The following GSPT2 variants were observed in gnomAD, a reference collection of about 807,000 sequenced individuals.
GSPT2 encodes G1 to S phase transition 2, also known as eukaryotic peptide chain release factor GTP-binding subunit ERF3B.
In GSPT2, 2 loss-of-function variants were observed where a neutral mutation model predicts 24.6. The observed-to-expected ratio is 0.08, with a 90% CI of 0.03 to 0.26. The LOEUF is 0.26. Ranked by LOEUF, GSPT2 falls within the 10% of genes least tolerant of loss-of-function variation. GSPT2 has a pLI of 1.00. For synonymous variants in GSPT2, 194 were observed against 189.3 expected (o/e 1.02, Z -0.20); for missense variants, 322 against 489.6 (o/e 0.66, Z 3.23).
In GSPT2 at chrX:51,743,687, G is replaced by C; in HGVS notation, c.61G>C (p.Glu21Gln). The C allele has an allele frequency of 8.3e-7, 1 of 1,207,791 alleles. No homozygotes were observed. Among genetic ancestry groups the C allele is most frequent in the Non-Finnish European group, 1.1e-6 (1 of 893,453 alleles). The change falls in exon 1 of 1, where the codon GAA becomes CAA. Residue 21 changes from glutamate (E) to glutamine (Q), a missense_variant. Glu to Gln is a conservative substitution (Grantham distance 29). Transcript: ENST00000340438. ...APDCWDQVDM[E>Q]SPGSAPSGDG... Reference sequence around the variant, plus strand: ...CGATTGCTGGGACCAGGTGGACATGGAATCCCCGGGGTCGGCCCCGAGCGG... The same window carrying C: ...CGATTGCTGGGACCAGGTGGACATGCAATCCCCGGGGTCGGCCCCGAGCGG...
rs781866514 is a variant in GSPT2 at position 51,743,505 on chromosome X, G to A, written c.-122G>A. Reference sequence around the variant, plus strand: ...GGCGCTTAGCTGCCTCCGCGGTGCAGCTAAGGTTCGTGTCGCTACCCCTTG... The same window carrying A: ...GGCGCTTAGCTGCCTCCGCGGTGCAACTAAGGTTCGTGTCGCTACCCCTTG... On this transcript the variant is annotated 5_prime_UTR_variant, in exon 1 of 1. Coordinates refer to ENST00000340438, the MANE Select transcript of GSPT2 (RefSeq NM_018094.5). 61 of 564,178 alleles carry A rather than the reference G, an allele frequency of 1.1e-4. No individual in the cohort carries two copies. The highest frequency in any genetic ancestry group is 1.6e-4 in the Non-Finnish European group (59 of 363,693). The allele number at this position is 564,178 out of a possible 1,213,427, so 46.5% of individuals were successfully genotyped here.
chrX:51,744,210 C>T lies in GSPT2; in HGVS notation c.584C>T (p.Pro195Leu). Residue 195 changes from proline to leucine, a missense_variant, in exon 1 of 1, where the codon CCC (proline) becomes CTC (leucine). By Grantham distance (98) the Pro-to-Leu change is moderately conservative. Around this residue, in one of 4 missense-constraint regions of GSPT2, gnomAD observed 72 missense variants for 121.5 expected, o/e 0.59. Transcript: ENST00000340438. The part of the protein sequence containing the change: ...EIRKSKSVIV[P>L]SGAPKKEHVN... ...AGAAAATCCAAATCTGTGATCGTAC[C>T]CTCAGGTGCACCTAAGAAAGAACAC... is the stretch of plus-strand genomic sequence containing the variant. 5.8e-6 allele frequency: 7 copies of T among 1,207,356 alleles called. No individual in the cohort carries two copies. Among genetic ancestry groups the T allele is most frequent in the Non-Finnish European group, 6.7e-6 (6 of 892,144 alleles).
Position 51,744,501 on chromosome X carries a change from A to G in GSPT2, c.875A>G (p.Lys292Arg). The G allele has an allele frequency of 1.7e-6, 2 of 1,211,790 alleles. No individual in the cohort carries two copies. The highest frequency in any genetic ancestry group is 2.2e-6 in the Non-Finnish European group (2 of 895,495). ...HFTILDAPGH[K>R]SFVPNMIGGA... ...ACAATTTTAGATGCCCCTGGCCACAAGAGTTTTGTCCCAAATATGATTGGT... is the reference window on the plus strand; with the variant it reads ...ACAATTTTAGATGCCCCTGGCCACAGGAGTTTTGTCCCAAATATGATTGGT... Residue 292 changes from lysine to arginine, a missense_variant, in exon 1 of 1, where the codon AAG (lysine) becomes AGG (arginine). Physicochemically the swap from Lys to Arg is conservative, Grantham distance 26. This residue lies in a region of GSPT2 where 72 missense variants were observed against 121.5 expected (regional missense o/e 0.59). Coordinates refer to ENST00000340438, the MANE Select transcript of GSPT2 (RefSeq NM_018094.5).
rs782337340 is a variant in GSPT2, at chrX:51,745,378, T to C, written c.1752T>C (p.Ala584=). 21 of 1,207,731 alleles carry C rather than the reference T, an allele frequency of 1.7e-5. No homozygotes were observed. The highest frequency in any genetic ancestry group is 2.0e-5 in the Non-Finnish European group (18 of 893,400). The part of the protein sequence containing the change: ...RFVKQDQVCI[A]RLRTAGTICL... ...TGAAACAAGATCAAGTATGCATTGCTCGTTTAAGGACAGCAGGAACCATCT... is the reference window on the plus strand; with the variant it reads ...TGAAACAAGATCAAGTATGCATTGCCCGTTTAAGGACAGCAGGAACCATCT... The change falls in exon 1 of 1, where the codon GCT becomes GCC. Residue 584 remains alanine (A), a synonymous_variant. Coordinates refer to ENST00000340438, the MANE Select transcript of GSPT2 (RefSeq NM_018094.5).
Position 51,744,653 on chromosome X carries a change from C to T in GSPT2, c.1027C>T (p.His343Tyr). 1.7e-6 allele frequency: 2 copies of T among 1,209,422 alleles called. No homozygotes were observed. The highest frequency in any genetic ancestry group is 3.0e-5 in the East Asian group (1 of 33,832). ...AMLAKTAGVK[H>Y]LIVLINKMDD... is the part of the protein sequence containing the mutation. ...GTTGGCAAAAACGGCAGGGGTAAAACATTTAATAGTGCTTATTAATAAGAT... is the reference window on the plus strand; with the variant it reads ...GTTGGCAAAAACGGCAGGGGTAAAATATTTAATAGTGCTTATTAATAAGAT... The change falls in exon 1 of 1, where the codon CAT becomes TAT. Residue 343 changes from histidine (H) to tyrosine (Y), a missense_variant. His to Tyr is a moderately conservative substitution (Grantham distance 83, BLOSUM62 2). This residue lies in a region of GSPT2 where 8 missense variants were observed against 42.8 expected (regional missense o/e 0.19). Coordinates refer to ENST00000340438, the MANE Select transcript of GSPT2 (RefSeq NM_018094.5).
In GSPT2 at chrX:51,744,514, A is replaced by C. The variant is rs782348198; in HGVS notation, c.888A>C (p.Pro296=). ...CCCCTGGCCACAAGAGTTTTGTCCC[A>C]AATATGATTGGTGGTGCTTCTCAAG... is the stretch of plus-strand genomic sequence containing the variant. ...LDAPGHKSFV[P]NMIGGASQAD... is the part of the protein sequence containing the mutation. The change falls in exon 1 of 1, where the codon CCA becomes CCC. Residue 296 remains proline, a synonymous_variant. Coordinates refer to ENST00000340438, the MANE Select transcript of GSPT2 (RefSeq NM_018094.5). The C allele has an allele frequency of 8.3e-7, 1 of 1,211,715 alleles. No homozygotes were observed. Among genetic ancestry groups the C allele is most frequent in the South Asian group, 1.8e-5 (1 of 56,980 alleles).
At position 51,745,660 on chromosome X, in the gene GSPT2, T is replaced by C. The variant is rs1764036131; in HGVS notation, c.*147T>C. The C allele has an allele frequency of 2.2e-6, 1 of 462,499 alleles. No individual in the cohort carries two copies. The allele number at this position is 462,499 out of a possible 1,213,427, so 38.1% of individuals were successfully genotyped here. ...CAGCAAAAATTCATGTTTTGTCAGC[T>C]TTCTCATGTTGAGATCTGTTATGTC... is the stretch of plus-strand genomic sequence containing the variant. On this transcript the variant is annotated 3_prime_UTR_variant, in exon 1 of 1. Transcript: ENST00000340438.
At position 51,745,294 on chromosome X, in the gene GSPT2, G is replaced by A; in HGVS notation, c.1668G>A (p.Ala556=). 8.3e-7 allele frequency: 1 copy of A among 1,204,140 alleles called. No individual in the cohort carries two copies. Among genetic ancestry groups the A allele is most frequent in the African/African-American group, 1.7e-5 (1 of 57,585 alleles). Reference sequence around the variant, plus strand: ...GTATTGAGGAAGTTGAGATAACAGCGTTAATCTCCTTGGTAGACAAAAAAT... The same window carrying A: ...GTATTGAGGAAGTTGAGATAACAGCATTAATCTCCTTGGTAGACAAAAAAT... ...HTCIEEVEIT[A]LISLVDKKSG... The change falls in exon 1 of 1, where the codon GCG becomes GCA. Residue 556 remains alanine, a synonymous_variant. Transcript: ENST00000340438.
Position 51,745,369 on chromosome X carries a change from A to G in GSPT2, c.1743A>G (p.Val581=), listed in dbSNP as rs1557349007. ...CCCGCTTCGTGAAACAAGATCAAGT[A>G]TGCATTGCTCGTTTAAGGACAGCAG... ...TRPRFVKQDQ[V]CIARLRTAGT... The change falls in exon 1 of 1, where the codon GTA becomes GTG. Residue 581 remains valine, a synonymous_variant. Coordinates refer to ENST00000340438, the MANE Select transcript of GSPT2 (RefSeq NM_018094.5). 3 of 1,210,218 alleles carry G rather than the reference A, an allele frequency of 2.5e-6. No individual in the cohort carries two copies. The highest frequency in any genetic ancestry group is 3.5e-5 in the African/African-American group (2 of 57,798).
Position 51,744,929 on chromosome X carries a change from A to C in GSPT2, c.1303A>C (p.Ile435Leu). ...RSIDGPIRLP[I>L]VDKYKDMGTV... is the part of the protein sequence containing the mutation. Reference sequence around the variant, plus strand: ...AATTGATGGACCAATAAGACTGCCAATTGTGGATAAGTACAAAGATATGGG... The same window carrying C: ...AATTGATGGACCAATAAGACTGCCACTTGTGGATAAGTACAAAGATATGGG... Residue 435 changes from isoleucine to leucine, a missense_variant, in exon 1 of 1, where the codon ATT becomes CTT. Ile to Leu is a conservative substitution (Grantham distance 5, BLOSUM62 2). Transcript: ENST00000340438. The C allele has an allele frequency of 8.3e-7, 1 of 1,207,237 alleles. No homozygotes were observed. The highest frequency in any genetic ancestry group is 1.1e-6 in the Non-Finnish European group (1 of 891,478).
Position 51,743,961 on chromosome X carries a change from C to T in GSPT2, c.335C>T (p.Pro112Leu). The T allele has an allele frequency of 8.3e-7, 1 of 1,207,230 alleles. No homozygotes were observed. Among genetic ancestry groups the T allele is most frequent in the Non-Finnish European group, 1.1e-6 (1 of 893,058 alleles). Residue 112 changes from proline (P) to leucine (L), a missense_variant, in exon 1 of 1, where the codon CCT (proline) becomes CTT (leucine). Pro to Leu is a moderately conservative substitution (Grantham distance 98, BLOSUM62 -3). This residue lies in a region of GSPT2 where 125 missense variants were observed against 121.3 expected (regional missense o/e 1.03). Transcript: ENST00000340438. ...KRMGRGAPVE[P>L]SREEPLVSLE... ...ATGGGACGGGGGGCACCTGTGGAAC[C>T]TTCCCGAGAGGAACCGTTAGTGTCG...
At position 51,745,496 on chromosome X, in the gene GSPT2, G is replaced by T; in HGVS notation, c.1870G>T (p.Val624Phe). ...TGCAATTGGAAAAGTTCTGAAATTG[G>T]TCCCAGAGAAGGACTAAGCAATTTT... ...TIAIGKVLKL[V>F]PEKD The change falls in exon 1 of 1, where the codon GTC (valine) becomes TTC (phenylalanine). Residue 624 changes from valine to phenylalanine, a missense_variant. Coordinates refer to ENST00000340438, the MANE Select transcript of GSPT2 (RefSeq NM_018094.5). The T allele has an allele frequency of 8.4e-7, 1 of 1,194,184 alleles. No individual in the cohort carries two copies. Among genetic ancestry groups the T allele is most frequent in the South Asian group, 1.8e-5 (1 of 56,031 alleles).
chrX:51,743,863 G>T lies in GSPT2; in HGVS notation c.237G>T (p.Pro79=). The stretch of plus-strand genomic sequence containing the variant: ...CCTTCCTGCGGGGCCCGACTCAGCC[G>T]CCCACCCTCCCGGCCGGCTCCGGCA... ...VPSFLRGPTQ[P]PTLPAGSGSN... The change falls in exon 1 of 1, where the codon CCG becomes CCT. Residue 79 remains proline (P), a synonymous_variant. Coordinates refer to ENST00000340438, the MANE Select transcript of GSPT2 (RefSeq NM_018094.5). 8.3e-7 allele frequency: 1 copy of T among 1,206,741 alleles called. No homozygotes were observed. The highest frequency in any genetic ancestry group is 1.1e-6 in the Non-Finnish European group (1 of 892,926).
chrX:51,743,549 C>T lies in GSPT2; in HGVS notation c.-78C>T, dbSNP rs1272411378. 16 of 955,042 alleles carry T rather than the reference C, an allele frequency of 1.7e-5. No homozygotes were observed. Among genetic ancestry groups the T allele is most frequent in the African/African-American group, 1.2e-4 (6 of 51,375 alleles). The allele number at this position is 955,042 out of a possible 1,213,427, so 78.7% of individuals were successfully genotyped here. A position where few individuals can be genotyped will look rare whatever the true frequency, so the allele number is the denominator to read the frequency against. On this transcript the variant is annotated 5_prime_UTR_variant, in exon 1 of 1. Coordinates refer to ENST00000340438, the MANE Select transcript of GSPT2 (RefSeq NM_018094.5). ...CCCCTTGGCCCTTCGCTCTTGCTGC[C>T]TTAACCCCGCCGGCGGAGCCCGCTC...
chrX:51,744,963 T>C lies in GSPT2; in HGVS notation c.1337T>C (p.Val446Ala). Residue 446 changes from valine to alanine, a missense_variant, in exon 1 of 1, where the codon GTC becomes GCC. Transcript: ENST00000340438. ...AAGTACAAAGATATGGGCACTGTGG[T>C]CCTGGGAAAGCTGGAATCCGGGTCC... Reference protein sequence around the residue: ...VDKYKDMGTVVLGKLESGSIF... With the variant: ...VDKYKDMGTVALGKLESGSIF... 1 of 1,209,578 alleles carries C rather than the reference T, an allele frequency of 8.3e-7. No homozygotes were observed. The highest frequency in any genetic ancestry group is 1.1e-6 in the Non-Finnish European group (1 of 893,746).
chrX:51,743,923 T>G lies in GSPT2; in HGVS notation c.297T>G (p.Pro99=). The stretch of plus-strand genomic sequence containing the variant: ...AAACCTGCACCGGCGCGGGATACCC[T>G]CAAGGTAAAAGGATGGGACGGGGGG... ...NDETCTGAGY[P]QGKRMGRGAP... The change falls in exon 1 of 1, where the codon CCT becomes CCG. Residue 99 remains proline, a synonymous_variant. Coordinates refer to ENST00000340438, the MANE Select transcript of GSPT2 (RefSeq NM_018094.5). 8.3e-7 allele frequency: 1 copy of G among 1,205,900 alleles called. No individual in the cohort carries two copies. Among genetic ancestry groups the G allele is most frequent in the Non-Finnish European group, 1.1e-6 (1 of 892,636 alleles).
rs1276810562 is a variant in GSPT2 at position 51,744,904 on chromosome X, A to C, written c.1278A>C (p.Ser426=). Residue 426 remains serine (S), a synonymous_variant, in exon 1 of 1, where the codon TCA becomes TCC. Transcript: ENST00000340438. ...ATAACTTGCCAAACTTCAACAGATC[A>C]ATTGATGGACCAATAAGACTGCCAA... ...YLDNLPNFNR[S]IDGPIRLPIV... 1 of 1,206,190 alleles carries C rather than the reference A, an allele frequency of 8.3e-7. No individual in the cohort carries two copies. The highest frequency in any genetic ancestry group is 1.1e-6 in the Non-Finnish European group (1 of 890,594).
chrX:51,744,725 A>C lies in GSPT2; in HGVS notation c.1099A>C (p.Lys367Gln). ...NWSIERYEEC[K>Q]EKLVPFLKKV... is the part of the protein sequence containing the mutation. The stretch of plus-strand genomic sequence containing the variant: ...GAGCATCGAGAGATATGAAGAATGT[A>C]AAGAAAAACTGGTGCCCTTTTTGAA... The change falls in exon 1 of 1, where the codon AAA (lysine) becomes CAA (glutamine). Residue 367 changes from lysine to glutamine, a missense_variant. Physicochemically the swap from Lys to Gln is moderately conservative, Grantham distance 53. Around this residue, in one of 4 missense-constraint regions of GSPT2, gnomAD observed 117 missense variants for 204.1 expected, o/e 0.57. Transcript: ENST00000340438. The C allele has an allele frequency of 8.3e-7, 1 of 1,210,908 alleles. No homozygotes were observed. Among genetic ancestry groups the C allele is most frequent in the Non-Finnish European group, 1.1e-6 (1 of 894,488 alleles).
In GSPT2 at chrX:51,746,125, T is replaced by A. The variant is rs1309327778; in HGVS notation, c.*612T>A. 1 of 124,117 alleles carries A rather than the reference T, an allele frequency of 8.1e-6. No homozygotes were observed. The highest frequency in any genetic ancestry group is 3.2e-5 in the African/African-American group (1 of 31,022). The allele number at this position is 124,117 out of a possible 1,213,427, so 10.2% of individuals were successfully genotyped here. ...GTGTGTATTAAAGGAATAATTTTAA[T>A]TTTGAGAAAAAAACGTATGTTAAGG... On this transcript the variant is annotated 3_prime_UTR_variant, in exon 1 of 1. Transcript: ENST00000340438.
Sources: gnomAD v4.1 joint callset for allele counts on GRCh38, gnomAD v4.1.1 for gene constraint, gnomAD v4.1.1 regional missense constraint, MANE v1.5 for transcripts, NCBI Gene and HGNC (gene_info 2026-07-23, HGNC 2026-07-21) for gene names.